POU2AF2: variants seen among roughly 807,000 people sequenced by gnomAD.
POU2AF2 encodes the protein POU class 2 homeobox associating factor 2, also known as POU domain class 2-associating factor 2.
the POU2AF2 span, among the ~76,000 whole-genome samples, chr11:111,247,793 A>C: frequency 2.6e-5 from 4 of 151,996 alleles, no homozygotes; most frequent in African/African-American, 4.8e-5. Context: ...CTTAAAAAAA[A>C]GATTTCATCG....
At chr11:111,250,565 A>T in the POU2AF2 span, among the ~76,000 whole-genome samples, 1 of 152,222 alleles carries the variant, frequency 6.6e-6, no homozygotes, top group Non-Finnish European at 1.5e-5. Context: ...CAAAGCCCCC[A>T]CTTCGTGGAG....
chr11:111,264,571 AGAAAGG>A, the POU2AF2 span, among the ~76,000 whole-genome samples: 6,176 of 38,464 alleles, frequency 0.16, 1,255 homozygotes, highest in South Asian at 0.24. Flanking sequence ...AAAGAAAGAA[AGAAAGG>A]GAGAGAGAAA....
At chr11:111,265,399 C>T in the POU2AF2 span, among the ~76,000 whole-genome samples, 1 of 152,068 alleles carries the variant, frequency 6.6e-6, no homozygotes, top group Non-Finnish European at 1.5e-5. Context: ...GAGCCTCCAG[C>T]CCAGGAAGAA....
the POU2AF2 span, among the ~76,000 whole-genome samples, chr11:111,258,565 C>G: frequency 6.6e-6 from 1 of 152,192 alleles, no homozygotes; most frequent in Non-Finnish European, 1.5e-5. Flanking sequence ...ACTTCTTGCT[C>G]AAGATCTGTG....
At chr11:111,254,130 A>G in the POU2AF2 span, among the ~76,000 whole-genome samples, 1 of 152,228 alleles carries the variant, frequency 6.6e-6, no homozygotes, top group Admixed American at 6.5e-5. Flanking sequence ...TCAATAATCA[A>G]TAAATCAATG....
chr11:111,264,428 G>A, the POU2AF2 span, among the ~76,000 whole-genome samples: 6 of 151,300 alleles, frequency 4.0e-5, no homozygotes, highest in East Asian at 1.9e-4. Flanking sequence ...CCCGGGAGGC[G>A]GAGGTTGCAG....
the POU2AF2 span, among the ~76,000 whole-genome samples, chr11:111,268,474 C>CTTTTTTTTTTT: frequency 8.5e-5 from 6 of 70,790 alleles, 1 homozygote; most frequent in Admixed American, 5.6e-4. Context: ...CTACATTTTT[C>CTTTTTTTTTTT]TTTTTTTATT....
At chr11:111,267,772 C>T in the POU2AF2 span, among the ~76,000 whole-genome samples, 1 of 152,158 alleles carries the variant, frequency 6.6e-6, no homozygotes. Flanking sequence ...TAGTTGTACA[C>T]ACTGTGGAGC....
chr11:111,267,968 T>C, the POU2AF2 span, among the ~76,000 whole-genome samples: 1 of 152,234 alleles, frequency 6.6e-6, no homozygotes, highest in Non-Finnish European at 1.5e-5. Flanking sequence ...CCTTTACTAA[T>C]GTAGAAATCT....
chr11:111,271,742 G>C, the POU2AF2 span, among the ~76,000 whole-genome samples: 3 of 152,308 alleles, frequency 2.0e-5, 1 homozygote, highest in East Asian at 5.8e-4. Flanking sequence ...GCTAGGCATG[G>C]TGGCTCACGC....
chr11:111,246,378 A>T, the POU2AF2 span, among the ~76,000 whole-genome samples: 3 of 152,202 alleles, frequency 2.0e-5, no homozygotes, highest in Non-Finnish European at 4.4e-5. Flanking sequence ...TATTTCATGA[A>T]TCTAACTAAA....
chr11:111,260,679 C>A, the POU2AF2 span, among the ~76,000 whole-genome samples: 1 of 152,218 alleles, frequency 6.6e-6, no homozygotes, highest in Non-Finnish European at 1.5e-5. Context: ...CCCCTAGAGT[C>A]TGGAGGGCAC....
the POU2AF2 span, among the ~76,000 whole-genome samples, chr11:111,279,709 C>T: frequency 6.6e-6 from 1 of 152,026 alleles, no homozygotes; most frequent in Non-Finnish European, 1.5e-5. Flanking sequence ...CTTTAACAGC[C>T]CTATTAGCAA....
chr11:111,280,310 C>T, the POU2AF2 span, among the ~76,000 whole-genome samples: 1 of 152,062 alleles, frequency 6.6e-6, no homozygotes, highest in Non-Finnish European at 1.5e-5. Context: ...AGTGGCCCTT[C>T]AGTGCTGAAG....
the POU2AF2 span, among the ~76,000 whole-genome samples, chr11:111,251,961 A>G: frequency 6.6e-6 from 1 of 152,216 alleles, no homozygotes; most frequent in Non-Finnish European, 1.5e-5. Context: ...ATTAATCACC[A>G]TGTGGTTATT....
the POU2AF2 span, among the ~76,000 whole-genome samples, chr11:111,275,383 A>C: frequency 1.3e-5 from 2 of 152,202 alleles, no homozygotes; most frequent in South Asian, 2.1e-4. Flanking sequence ...AAATGATGAG[A>C]AGGTGATCAT....
At chr11:111,264,260 C>T in the POU2AF2 span, among the ~76,000 whole-genome samples, 2 of 151,854 alleles carry the variant, frequency 1.3e-5, no homozygotes, top group Non-Finnish European at 2.9e-5. Flanking sequence ...CTTTGGGAGG[C>T]CGAGGTGGGC....
the POU2AF2 span, among the ~76,000 whole-genome samples, chr11:111,247,897 T>A: frequency 1.4e-5 from 2 of 147,610 alleles, no homozygotes; most frequent in African/African-American, 2.5e-5. Flanking sequence ...TTTTTTTTTT[T>A]AGACGGAGTC....
chr11:111,264,973 A>G, the POU2AF2 span, among the ~76,000 whole-genome samples: 2 of 150,462 alleles, frequency 1.3e-5, no homozygotes, highest in South Asian at 2.1e-4. Flanking sequence ...AGGAAGGAAG[A>G]AAGGAAGGGA....
Sources: allele counts gnomAD v4.1 joint callset (sites outside exome capture counted in the v4.1 genomes callset), GRCh38; gene constraint gnomAD v4.1.1; transcripts MANE v1.5; gene names NCBI Gene and HGNC (gene_info 2026-07-23, HGNC 2026-07-21).